ZNF85: variants seen among roughly 807,000 people sequenced by gnomAD.
The protein encoded by ZNF85 is zinc finger protein 85.
ZNF85 carries 50 observed loss-of-function variants against 53.9 expected under a neutral mutation model. The ratio of observed to expected loss-of-function variants is 0.93; its 90% CI spans 0.74 to 1.17. The LOEUF is 1.17. Among genes scored for constraint, ZNF85 ranks in the 50% most tolerant of loss-of-function variants. ZNF85 has a pLI of 0.00. For missense variants in ZNF85, 747 were observed against 688.5 expected (o/e 1.08, Z -0.95); for synonymous variants, 225 against 226.1 (o/e 1.00, Z 0.04).
intron 3 of ZNF85, chr19:20,946,221 T>C: frequency 3.1e-6 from 1 of 324,924 alleles, no homozygotes; most frequent in Non-Finnish European, 5.9e-6. Flanking sequence ...ATACCCTGAT[T>C]CCATTTTTAT....
intron 2 of ZNF85, among the ~76,000 whole-genome samples, 190 bp downstream of exon 2, chr19:20,934,340 C>G (rs1234682258): frequency 3.9e-5 from 6 of 152,080 alleles, no homozygotes; most frequent in Non-Finnish European, 8.8e-5. Context: ...CCTTAACTTT[C>G]CAAATTTCTG....
In ZNF85 at chr19:20,942,621, T is replaced by C. The variant is rs993494362; in HGVS notation, c.230-6123T>C. Among the ~76,000 whole-genome samples the C allele has an allele frequency of 4.0e-5, 6 of 151,710 alleles. 1 individual carries two copies. The highest frequency in any genetic ancestry group is 7.4e-5 in the Non-Finnish European group (5 of 67,920). On this transcript the variant is annotated intron_variant, in intron 3 of 3. Coordinates refer to ENST00000328178, the MANE Select transcript of ZNF85 (RefSeq NM_003429.5). ...TGTATTGACATCTTTGAAAAATTAA[T>C]TTTTTTGAAACTTGGGCAAGAATAT...
Position 20,949,024 on chromosome 19 carries a change from AAAG to A in ZNF85, c.513_515del (p.Lys172del). 6.2e-7 allele frequency: 1 copy of A among 1,613,842 alleles called. No individual in the cohort carries two copies. Among genetic ancestry groups the A allele is most frequent in the Non-Finnish European group, 8.5e-7 (1 of 1,179,818 alleles). On this transcript the variant is annotated inframe_deletion, in exon 4 of 4. Coordinates refer to ENST00000328178, the MANE Select transcript of ZNF85 (RefSeq NM_003429.5). ...ACAGACATGAGATAAGACATACTAA[AAAG>A]AAACCTTTCAAATGTACAAAATGTG...
Position 20,949,919 on chromosome 19 carries a change from C to T in ZNF85, c.1405C>T (p.Leu469Phe). 6.2e-7 allele frequency: 1 copy of T among 1,612,260 alleles called. No homozygotes were observed. Among genetic ancestry groups the T allele is most frequent in the African/African-American group, 1.3e-5 (1 of 74,906 alleles). ...CAAAGCTTTTAACCAGTCCTCAAATCTTACTAGACATAAGAAAAGTCATAC... is the reference window on the plus strand; with the variant it reads ...CAAAGCTTTTAACCAGTCCTCAAATTTTACTAGACATAAGAAAAGTCATAC... ...CGKAFNQSSN[L>F]TRHKKSHTEE... Residue 469 changes from leucine (L) to phenylalanine (F), a missense_variant, in exon 4 of 4, where the codon CTT becomes TTT. By Grantham distance (22) the Leu-to-Phe change is conservative. Transcript: ENST00000328178.
At chr19:20,923,571 G>A (rs568235884) in intron 1 of ZNF85, among the ~76,000 whole-genome samples, 168 bp downstream of exon 1, 1 of 152,182 alleles carries the variant, frequency 6.6e-6, no homozygotes, top group Non-Finnish European at 1.5e-5. Context: ...TGGCGGCTGC[G>A]CTGACAGCCG....
At chr19:20,923,568 T>C (rs1434355090) in intron 1 of ZNF85, among the ~76,000 whole-genome samples, 165 bp downstream of exon 1, 1 of 152,156 alleles carries the variant, frequency 6.6e-6, no homozygotes, top group Non-Finnish European at 1.5e-5. Flanking sequence ...AGATGGCGGC[T>C]GCGCTGACAG....
intron 3 of ZNF85, among the ~76,000 whole-genome samples, chr19:20,938,781 T>C (rs1973219508): frequency 6.6e-6 from 1 of 152,160 alleles, no homozygotes; most frequent in African/African-American, 2.4e-5. Flanking sequence ...AGCCTAAATC[T>C]AAATAATAGC....
chr19:20,934,981 T>C lies in ZNF85; in HGVS notation c.163T>C (p.Cys55Arg), dbSNP rs1599434011. ...ITVSKPDLIT[C>R]LEQGKEAWSM... is the part of the protein sequence containing the mutation. Reference sequence around the variant, plus strand: ...TGTTTCTAAGCCAGACCTGATCACTTGTCTGGAGCAAGGGAAAGAGGCCTG... The same window carrying C: ...TGTTTCTAAGCCAGACCTGATCACTCGTCTGGAGCAAGGGAAAGAGGCCTG... Residue 55 changes from cysteine to arginine, a missense_variant, in exon 3 of 4, where the codon TGT (cysteine) becomes CGT (arginine). Physicochemically the swap from Cys to Arg is radical, Grantham distance 180. Transcript: ENST00000328178. The C allele has an allele frequency of 6.2e-7, 1 of 1,611,222 alleles. No homozygotes were observed. The highest frequency in any genetic ancestry group is 2.2e-5 in the East Asian group (1 of 44,794).
At position 20,949,026 on chromosome 19, in the gene ZNF85, A is replaced by G. The variant is rs1241071319; in HGVS notation, c.512A>G (p.Lys171Arg). Residue 171 changes from lysine (K) to arginine (R), a missense_variant, in exon 4 of 4, where the codon AAG (lysine) becomes AGG (arginine). Transcript: ENST00000328178. ...AGACATGAGATAAGACATACTAAAA[A>G]GAAACCTTTCAAATGTACAAAATGT... ...SNRHEIRHTK[K>R]KPFKCTKCGK... is the part of the protein sequence containing the mutation. The G allele has an allele frequency of 6.2e-7, 1 of 1,613,762 alleles. No individual in the cohort carries two copies. The highest frequency in any genetic ancestry group is 1.3e-5 in the African/African-American group (1 of 74,944).
At chr19:20,934,842 C>A in intron 2 of ZNF85, 107 bp from the exon 3 acceptor site, 1 of 520,810 alleles carries the variant, frequency 1.9e-6, no homozygotes, top group Non-Finnish European at 3.2e-6. Context: ...TTGAAAATGT[C>A]TGTTATAAAT....
At chr19:20,938,621 G>A (rs1230380744) in intron 3 of ZNF85, among the ~76,000 whole-genome samples, 1 of 151,980 alleles carries the variant, frequency 6.6e-6, no homozygotes, top group African/African-American at 2.4e-5. Flanking sequence ...TTTAGATTCA[G>A]ACATTTAGAA....
chr19:20,949,508 C>G lies in ZNF85; in HGVS notation c.994C>G (p.His332Asp). Residue 332 changes from histidine (H) to aspartate (D), a missense_variant, in exon 4 of 4, where the codon CAT becomes GAT. His to Asp is a moderately conservative substitution (Grantham distance 81). Transcript: ENST00000328178. ...TAAGCAGTCCTCAAACCTTACTACA[C>G]ATAAGATAATTCATACTGGAGAGAA... ...AFKQSSNLTT[H>D]KIIHTGEKPY... is the part of the protein sequence containing the mutation. The G allele has an allele frequency of 6.2e-7, 1 of 1,613,426 alleles. No individual in the cohort carries two copies. Among genetic ancestry groups the G allele is most frequent in the Non-Finnish European group, 8.5e-7 (1 of 1,179,718 alleles).
chr19:20,928,108 A>T (rs1375159432), intron 1 of ZNF85: 1 of 152,118 alleles, frequency 6.6e-6, no homozygotes, highest in Non-Finnish European at 1.5e-5. Flanking sequence ...ATTGAACTAG[A>T]GGGAGGTTAT....
In ZNF85 at chr19:20,950,404, A is replaced by C. The variant is rs1338082222; in HGVS notation, c.*102A>C. 1 of 812,520 alleles carries C rather than the reference A, an allele frequency of 1.2e-6. No individual in the cohort carries two copies. The highest frequency in any genetic ancestry group is 1.9e-6 in the Non-Finnish European group (1 of 540,368). The allele number at this position is 812,520 out of a possible 1,614,324, so 50.3% of individuals were successfully genotyped here. A position where few individuals can be genotyped will look rare whatever the true frequency, so the allele number is the denominator to read the frequency against. On this transcript the variant is annotated 3_prime_UTR_variant, in exon 4 of 4. Coordinates refer to ENST00000328178, the MANE Select transcript of ZNF85 (RefSeq NM_003429.5). ...CCTGAAAGATGTGACAATAATTTTG[A>C]CAACACCTCAGACTTATAAAAGTAA...
chr19:20,923,270 G>C lies in ZNF85; in HGVS notation c.-131G>C, dbSNP rs1273857498. On this transcript the variant is annotated 5_prime_UTR_variant, in exon 1 of 4. Coordinates refer to ENST00000328178, the MANE Select transcript of ZNF85 (RefSeq NM_003429.5). ...GGCGGGGCCTTTGTCTCTCGCTGCA[G>C]CCTGAGCTCTAGGTCTTGTTTTCCC... The C allele has an allele frequency of 2.1e-6, 3 of 1,446,056 alleles. No homozygotes were observed. Among genetic ancestry groups the C allele is most frequent in the African/African-American group, 2.8e-5 (2 of 71,254 alleles). The allele number at this position is 1,446,056 out of a possible 1,614,324, so 89.6% of individuals were successfully genotyped here. A position where few individuals can be genotyped will look rare whatever the true frequency, so the allele number is the denominator to read the frequency against.
chr19:20,949,553 T>C lies in ZNF85; in HGVS notation c.1039T>C (p.Cys347Arg). 6.3e-7 allele frequency: 1 copy of C among 1,598,460 alleles called. No individual in the cohort carries two copies. Among genetic ancestry groups the C allele is most frequent in the Non-Finnish European group, 8.6e-7 (1 of 1,169,164 alleles). The part of the protein sequence containing the change: ...TGEKPYKCKK[C>R]GKAFNQSAHL... Reference sequence around the variant, plus strand: ...AGAGAAACCCTACAAATGTAAAAAATGTGGAAAAGCCTTTAACCAGTCTGC... The same window carrying C: ...AGAGAAACCCTACAAATGTAAAAAACGTGGAAAAGCCTTTAACCAGTCTGC... The change falls in exon 4 of 4, where the codon TGT becomes CGT. Residue 347 changes from cysteine to arginine, a missense_variant. Coordinates refer to ENST00000328178, the MANE Select transcript of ZNF85 (RefSeq NM_003429.5).
chr19:20,933,157 C>T (rs1973066504), intron 1 of ZNF85, among the ~76,000 whole-genome samples: 1 of 148,130 alleles, frequency 6.8e-6, no homozygotes, highest in East Asian at 2.0e-4. Flanking sequence ...TGCACCACTG[C>T]ACTCCAGCCT....
intron 3 of ZNF85, among the ~76,000 whole-genome samples, chr19:20,940,954 A>T (rs1317970031): frequency 6.6e-6 from 1 of 152,184 alleles, no homozygotes; most frequent in Admixed American, 6.5e-5. Flanking sequence ...CTGGTACAAT[A>T]AACATGGATG....
At chr19:20,941,841 C>A (rs1181342875) in intron 3 of ZNF85, among the ~76,000 whole-genome samples, 2 of 152,038 alleles carry the variant, frequency 1.3e-5, no homozygotes, top group African/African-American at 4.8e-5. Context: ...GTTGCTCATG[C>A]GTTTAATGTC....
Sources: gnomAD v4.1 joint callset for allele counts (sites outside exome capture counted in the v4.1 genomes callset) on GRCh38, gnomAD v4.1.1 for gene constraint, MANE v1.5 for transcripts, NCBI Gene and HGNC (gene_info 2026-07-23, HGNC 2026-07-21) for gene names.